Variants in SYT1 observed in about 807,000 individuals in gnomAD.
SYT1 encodes the protein synaptotagmin-1.
In SYT1, 8 loss-of-function variants were observed where a neutral mutation model predicts 44.8. The observed-to-expected ratio is 0.18, with a 90% CI of 0.10 to 0.32. The LOEUF is 0.32. SYT1 is among the 10% of genes least tolerant of loss of function. SYT1 has a pLI of 1.00. For synonymous variants in SYT1, 154 were observed against 188.8 expected, an observed-to-expected ratio of 0.82 and a Z score of 1.51; for missense variants, 286 against 509.3, an observed-to-expected ratio of 0.56 and a Z score of 4.22.
Position 79,299,512 on chromosome 12 carries a change from T to A in SYT1, c.771T>A (p.Thr257=), listed in dbSNP as rs559232503. 6.2e-7 allele frequency: 1 copy of A among 1,613,502 alleles called. No homozygotes were observed. Among genetic ancestry groups the A allele is most frequent in the Admixed American group, 1.7e-5 (1 of 59,962 alleles). The change falls in exon 8 of 11, where the codon ACT becomes ACA. Residue 257 remains threonine (T), a synonymous_variant. Coordinates refer to ENST00000261205, the MANE Select transcript of SYT1 (RefSeq NM_005639.3). The stretch of plus-strand genomic sequence containing the variant: ...ACACAGTGGATTTTGGCCATGTAAC[T>A]GAGGAATGGCGTGACCTGCAAAGTG... ...PMNTVDFGHV[T]EEWRDLQSAE...
chr12:78,864,951 G>C lies in SYT1; in HGVS notation c.-375G>C, dbSNP rs1002064568. 6.6e-6 allele frequency: 1 copy of C among 152,234 alleles called. No homozygotes were observed. Among genetic ancestry groups the C allele is most frequent in the Admixed American group, 6.5e-5 (1 of 15,282 alleles). 9.4% of individuals were successfully genotyped at this position (152,234 alleles called of 1,614,324 possible). A position where few individuals can be genotyped will look rare whatever the true frequency, so the allele number is the denominator to read the frequency against. On this transcript the variant is annotated 5_prime_UTR_variant, in exon 1 of 11. Transcript: ENST00000261205. ...CACGTGGGACCAGCTGGTGGCCCTG[G>C]AAAACCTCCCACACACCCACACCCA...
intron 9 of SYT1, among the ~76,000 whole-genome samples, chr12:79,403,846 A>C (rs1885152925): frequency 6.6e-6 from 1 of 152,170 alleles, no homozygotes; most frequent in Non-Finnish European, 1.5e-5. Flanking sequence ...GGAATTTGTG[A>C]ATAAACCTTC....
At chr12:79,213,283 G>T (rs1874573450) in intron 3 of SYT1, among the ~76,000 whole-genome samples, 1 of 152,082 alleles carries the variant, frequency 6.6e-6, no homozygotes, top group African/African-American at 2.4e-5. Context: ...TTAACTATGG[G>T]TTGTATCCAA....
chr12:79,386,300 A>G (rs1593021744), intron 9 of SYT1, among the ~76,000 whole-genome samples: 3 of 114,410 alleles, frequency 2.6e-5, no homozygotes, highest in African/African-American at 7.8e-5. Context: ...TTCCCCAAAT[A>G]CATTTTTGGG....
intron 4 of SYT1, among the ~76,000 whole-genome samples, chr12:79,243,337 T>G (rs1181207453): frequency 2.6e-5 from 4 of 152,228 alleles, no homozygotes; most frequent in Non-Finnish European, 5.9e-5. Flanking sequence ...AGCCACATGC[T>G]TTCTCACATT....
At chr12:79,025,243 CT>C (rs1287041822) in intron 2 of SYT1, among the ~76,000 whole-genome samples, 1 of 151,698 alleles carries the variant, frequency 6.6e-6, no homozygotes, top group African/African-American at 2.4e-5. Flanking sequence ...AAAAAATTAT[CT>C]GAACCATCAT....
intron 1 of SYT1, among the ~76,000 whole-genome samples, chr12:78,943,802 TTCA>T (rs1878511141): frequency 6.6e-6 from 1 of 152,284 alleles, no homozygotes; most frequent in Admixed American, 6.5e-5. Flanking sequence ...TCAACTACAA[TTCA>T]TCATATGGTT....
chr12:79,447,515 A>G (rs1170187741), intron 10 of SYT1, among the ~76,000 whole-genome samples: 1 of 152,192 alleles, frequency 6.6e-6, no homozygotes, highest in Admixed American at 6.5e-5. Context: ...TTTGTCTTGA[A>G]TGCTACTAAT....
chr12:78,898,252 T>C (rs1875470651), intron 1 of SYT1, among the ~76,000 whole-genome samples: 1 of 152,020 alleles, frequency 6.6e-6, no homozygotes, highest in Admixed American at 6.6e-5. Flanking sequence ...ACTTAATAAA[T>C]ATCAATACTC....
intron 4 of SYT1, among the ~76,000 whole-genome samples, chr12:79,254,550 T>A (rs1398469248): frequency 6.6e-6 from 1 of 152,206 alleles, no homozygotes; most frequent in African/African-American, 2.4e-5. Flanking sequence ...GATTAAGAAG[T>A]AATTTTAACT....
rs556123519 is a variant in SYT1 at position 78,934,024 on chromosome 12, G to T, written c.-216-43775G>T. ...ATACAGTTATTCCCTTTATTCAGGGGGATATGTTCCAAGACCCCCAATGGA... is the reference window on the plus strand; with the variant it reads ...ATACAGTTATTCCCTTTATTCAGGGTGATATGTTCCAAGACCCCCAATGGA... On this transcript the variant is annotated intron_variant, in intron 1 of 10. Coordinates refer to ENST00000261205, the MANE Select transcript of SYT1 (RefSeq NM_005639.3). 4.6e-5 allele frequency among the ~76,000 whole-genome samples: 7 copies of T among 152,012 alleles called. No individual in the cohort carries two copies. In the East Asian group the frequency reaches 1.2e-3, roughly 25 times the overall value.
At chr12:79,202,833 C>T (rs946916620) in intron 3 of SYT1, among the ~76,000 whole-genome samples, 11 of 152,164 alleles carry the variant, frequency 7.2e-5, no homozygotes, top group Non-Finnish European at 1.3e-4. Context: ...TTAAACCAAT[C>T]GCAAAACTAA....
chr12:79,155,481 G>A (rs1270221539), intron 3 of SYT1, among the ~76,000 whole-genome samples: 1 of 152,152 alleles, frequency 6.6e-6, no homozygotes, highest in African/African-American at 2.4e-5. Flanking sequence ...TTTCTCTGTT[G>A]ACATTATATT....
intron 4 of SYT1, among the ~76,000 whole-genome samples, chr12:79,285,298 T>C (rs1224589954): frequency 6.6e-6 from 1 of 152,244 alleles, no homozygotes; most frequent in East Asian, 1.9e-4. Flanking sequence ...TGCCATTTAT[T>C]AAGCTTTTGC....
intron 2 of SYT1, among the ~76,000 whole-genome samples, chr12:79,003,645 A>G (rs1418943796): frequency 6.6e-6 from 1 of 151,984 alleles, no homozygotes; most frequent in African/African-American, 2.4e-5. Context: ...GGTATACTTT[A>G]ATTCATATTA....
intron 8 of SYT1, among the ~76,000 whole-genome samples, chr12:79,314,135 C>G (rs1880960619): frequency 7.4e-6 from 1 of 135,430 alleles, no homozygotes; most frequent in East Asian, 2.2e-4. Context: ...CGCCACTGCA[C>G]TCCAGCCTGG....
chr12:79,305,318 G>T (rs1385683157), intron 8 of SYT1, among the ~76,000 whole-genome samples: 1 of 152,098 alleles, frequency 6.6e-6, no homozygotes, highest in African/African-American at 2.4e-5. Flanking sequence ...TTTTCAAAAT[G>T]CACTTTGGCT....
intron 1 of SYT1, among the ~76,000 whole-genome samples, chr12:78,868,293 C>T (rs1231265857): frequency 4.6e-5 from 7 of 151,956 alleles, no homozygotes; most frequent in Middle Eastern, 3.4e-3. Flanking sequence ...AAAACCCATA[C>T]CAAAGTTAGA....
intron 9 of SYT1, among the ~76,000 whole-genome samples, chr12:79,422,198 T>C (rs560151140): frequency 6.6e-6 from 1 of 152,232 alleles, no homozygotes; most frequent in African/African-American, 2.4e-5. Context: ...AACTCATCTT[T>C]GAGCTCTTGT....
Sources: gnomAD v4.1 joint callset for allele counts (sites outside exome capture counted in the v4.1 genomes callset) on GRCh38, gnomAD v4.1.1 for gene constraint, MANE v1.5 for transcripts, NCBI Gene and HGNC (gene_info 2026-07-23, HGNC 2026-07-21) for gene names.